The following ABCB4 variants were observed in gnomAD, a reference collection of about 807,000 sequenced individuals.
ABCB4 encodes the protein ATP binding cassette subfamily B member 4.
ABCB4 carries 76 observed loss-of-function variants against 145.7 expected under a neutral mutation model. The observed-to-expected ratio is 0.52, with a 90% CI of 0.43 to 0.63. The LOEUF (loss-of-function observed/expected upper bound fraction) is 0.63, where lower values mean the gene tolerates loss of function less well. Ranked by LOEUF, ABCB4 falls within the 30% of genes least tolerant of loss-of-function variation. The pLI, the probability that ABCB4 is intolerant of heterozygous loss-of-function variation, is 0.00. For missense variants in ABCB4, 1,234 were observed against 1,553.1 expected (o/e 0.79, Z 3.45); for synonymous variants, 517 against 566.8 (o/e 0.91, Z 1.25).
At chr7:87,434,635 A>T (rs1189315889) in intron 14 of ABCB4, among the ~76,000 whole-genome samples, 2 of 152,094 alleles carry the variant, frequency 1.3e-5, no homozygotes, top group Admixed American at 1.3e-4. Flanking sequence ...GTAGTCCCAG[A>T]TACTCAGGAG....
chr7:87,384,746 G>A, the ABCB4 span, among the ~76,000 whole-genome samples: 1 of 152,128 alleles, frequency 6.6e-6, no homozygotes, highest in South Asian at 2.1e-4. Context: ...TTTCTGCTTT[G>A]GCTTCCATAC....
chr7:87,438,715 C>T (rs1340538648), intron 14 of ABCB4, among the ~76,000 whole-genome samples: 1 of 152,170 alleles, frequency 6.6e-6, no homozygotes, highest in Non-Finnish European at 1.5e-5. Context: ...CACGACTGCA[C>T]TCCACGCTGG....
chr7:87,377,261 A>C, the ABCB4 span: 2 of 732,262 alleles, frequency 2.7e-6, no homozygotes, highest in Non-Finnish European at 4.5e-6. Flanking sequence ...GTGAAGAGGA[A>C]TGGTGAGATG....
chr7:87,446,150 A>C (rs1420709621), intron 9 of ABCB4, among the ~76,000 whole-genome samples: 1 of 152,224 alleles, frequency 6.6e-6, no homozygotes, highest in Non-Finnish European at 1.5e-5. Context: ...CTCTCAATGA[A>C]GTCTGAAGAT....
chr7:87,385,456 T>C, the ABCB4 span, among the ~76,000 whole-genome samples: 1 of 152,182 alleles, frequency 6.6e-6, no homozygotes, highest in African/African-American at 2.4e-5. Context: ...GTAGCTATTG[T>C]AAATGGGATT....
At position 87,408,226 on chromosome 7, in the gene ABCB4, A is replaced by G. The variant is rs142980157; in HGVS notation, c.3090T>C (p.Phe1030=). ...YSEEGLKPDK[F]EGNITFNEVV... ...CTTCATTAAATGTTATATTTCCTTC[A>G]AATTTATCCTGAATAAATGTTTAAA... is the stretch of plus-strand genomic sequence containing the variant. The change falls in exon 25 of 28, where the codon TTT becomes TTC. Residue 1030 remains phenylalanine (F), a synonymous_variant. Transcript: ENST00000649586. 73 of 1,613,908 alleles carry G rather than the reference A, an allele frequency of 4.5e-5. No homozygotes were observed. The African/African-American group carries it at 8.3e-4, about 18-fold the overall frequency.
downstream of ABCB4, among the ~76,000 whole-genome samples, chr7:87,397,371 C>T (rs897361193): frequency 2.0e-5 from 3 of 151,144 alleles, no homozygotes; most frequent in African/African-American, 7.3e-5. Context: ...AAAGTATTTA[C>T]TCATTTGACA....
intron 15 of ABCB4, among the ~76,000 whole-genome samples, chr7:87,428,605 A>G (rs1264064144): frequency 1.3e-5 from 2 of 152,214 alleles, no homozygotes; most frequent in Admixed American, 1.3e-4. Context: ...TCTCTCCAAT[A>G]CACGCAAGAG....
Position 87,418,587 on chromosome 7 carries a change from T to A in ABCB4, c.2428A>T (p.Thr810Ser). 6.2e-7 allele frequency: 1 copy of A among 1,614,152 alleles called. No individual in the cohort carries two copies. Among genetic ancestry groups the A allele is most frequent in the Non-Finnish European group, 8.5e-7 (1 of 1,180,010 alleles). ...GCAAGTCTTGTAGAAAGTGCACCAG[T>A]ACTGTTTTTATGGTCATCAAACCAG... ...MSWFDDHKNS[T>S]GALSTRLATD... The change falls in exon 20 of 28, where the codon ACT becomes TCT. Residue 810 changes from threonine to serine, a missense_variant. By Grantham distance (58) the Thr-to-Ser change is moderately conservative (BLOSUM62 1). This residue lies in a region of ABCB4 where 321 missense variants were observed against 332.6 expected (regional missense o/e 0.97). Transcript: ENST00000649586.
chr7:87,463,246 A>AACACAC lies in ABCB4; in HGVS notation c.136-344_136-339dup, dbSNP rs56747933. On this transcript the variant is annotated intron_variant, in intron 3 of 27. Transcript: ENST00000649586. ...CGGCTAGGGAAAGACATTAAGTTTA[A>AACACAC]ACACACACACACACACACACACACA... is the stretch of plus-strand genomic sequence containing the variant. Among the ~76,000 whole-genome samples the AACACAC allele has an allele frequency of 2.2e-4, 33 of 148,166 alleles. No homozygotes were observed. In the East Asian group the frequency reaches 4.1e-3, roughly 19 times the overall value.
At chr7:87,451,925 C>G (rs1811761433) in intron 6 of ABCB4, 131 bp from the exon 7 acceptor site, 1 of 821,880 alleles carries the variant, frequency 1.2e-6, no homozygotes, top group African/African-American at 1.7e-5. Context: ...GTCTTAGCCT[C>G]TTGAATAACA....
At chr7:87,386,399 G>A in the ABCB4 span, among the ~76,000 whole-genome samples, 1 of 152,116 alleles carries the variant, frequency 6.6e-6, no homozygotes, top group Non-Finnish European at 1.5e-5. Flanking sequence ...CAGGTTGTAT[G>A]TGTCCAGGAA....
chr7:87,403,052 G>A lies in ABCB4; in HGVS notation c.3633+83C>T, dbSNP rs1192179166. The A allele has an allele frequency of 5.0e-6, 7 of 1,404,638 alleles. No homozygotes were observed. In the Admixed American group the frequency reaches 8.4e-5, roughly 17 times the overall value. The allele number at this position is 1,404,638 out of a possible 1,614,324, so 87.0% of individuals were successfully genotyped here. On this transcript the variant is annotated intron_variant, in intron 27 of 27. Transcript: ENST00000649586. ...GTTCTGTGTTTTTCCCCCTGTGCTT[G>A]TGTGTGTTTTTTTCATGGTTGACAG...
At chr7:87,419,848 G>T in intron 19 of ABCB4, 150 bp downstream of exon 19, 1 of 848,074 alleles carries the variant, frequency 1.2e-6, no homozygotes, top group Non-Finnish European at 2.0e-6. Context: ...GCTCTTGAAG[G>T]ACCAGGACAA....
chr7:87,398,741 T>TC, downstream of ABCB4: 9 of 1,152,826 alleles, frequency 7.8e-6, no homozygotes, highest in South Asian at 1.5e-5. Context: ...GTTGACTTGC[T>TC]AACATTCCTT....
intron 19 of ABCB4, 114 bp from the exon 20 acceptor site, chr7:87,418,734 A>C: frequency 1.1e-6 from 1 of 918,572 alleles, no homozygotes; most frequent in South Asian, 1.4e-5. Context: ...CCTCATATGC[A>C]GTGTAGAGTC....
intron 9 of ABCB4, among the ~76,000 whole-genome samples, 175 bp from the exon 10 acceptor site, chr7:87,445,150 TG>T (rs1232067460): frequency 2.0e-5 from 3 of 152,068 alleles, no homozygotes; most frequent in Non-Finnish European, 4.4e-5. Context: ...ATTGCCTGAG[TG>T]GGTCTATTTT....
At chr7:87,446,303 T>C (rs1461894433) in intron 9 of ABCB4, among the ~76,000 whole-genome samples, 1 of 152,316 alleles carries the variant, frequency 6.6e-6, no homozygotes, top group East Asian at 1.9e-4. Context: ...AATAGTTACA[T>C]ATTGTTCTGA....
the ABCB4 span, chr7:87,382,351 T>C: frequency 6.4e-7 from 1 of 1,555,542 alleles, no homozygotes; most frequent in East Asian, 2.2e-5. Context: ...GATAATTTGC[T>C]TCTCTTTGGT....
Sources: allele counts gnomAD v4.1 joint callset (sites outside exome capture counted in the v4.1 genomes callset), GRCh38; gene constraint gnomAD v4.1.1; regional missense constraint gnomAD v4.1.1; transcripts MANE v1.5; gene names NCBI Gene and HGNC (gene_info 2026-07-23, HGNC 2026-07-21).